ELAVL4: variants seen among roughly 807,000 people sequenced by gnomAD.
ELAVL4 encodes the protein ELAV-like protein 4.
In ELAVL4, 1 loss-of-function variant was observed where a neutral mutation model predicts 35.6. The ratio of observed to expected loss-of-function variants is 0.03; its 90% CI spans 0.01 to 0.13. The LOEUF (loss-of-function observed/expected upper bound fraction) is 0.13. Among genes scored for constraint, ELAVL4 ranks in the 10% least tolerant of loss-of-function variants. ELAVL4 has a pLI of 1.00. For synonymous variants in ELAVL4, 156 were observed against 171.0 expected (o/e 0.91, Z 0.69); for missense variants, 267 against 464.9 (o/e 0.57, Z 3.91).
At chr1:50,102,550 G>A (rs550439449), upstream of ELAVL4, among the ~76,000 whole-genome samples, 227 of 151,604 alleles carry the variant, frequency 1.5e-3, 1 homozygote, top group African/African-American at 5.2e-3. Flanking sequence ...TTATAAATGA[G>A]TCCAGAATTT....
intron 2 of ELAVL4, 114 bp from the exon 3 acceptor site, chr1:50,176,975 C>A: frequency 1.3e-6 from 1 of 772,186 alleles, no homozygotes; most frequent in Non-Finnish European, 2.1e-6. Context: ...AGTTTTGACT[C>A]ACTGCAGTGG....
rs1009864759 is a variant in ELAVL4, at chr1:50,194,048, G to A, written c.508+130G>A. On this transcript the variant is annotated intron_variant, in intron 4 of 6. Transcript: ENST00000371824. ...CATGAATAGACAGATTTTTGACTTGGAAGAAAGACTTCTTATCGGTCAACT... is the reference window on the plus strand; with the variant it reads ...CATGAATAGACAGATTTTTGACTTGAAAGAAAGACTTCTTATCGGTCAACT... The A allele has an allele frequency of 1.1e-5, 13 of 1,212,578 alleles. No individual in the cohort carries two copies. In the African/African-American group the frequency reaches 1.9e-4, roughly 18 times the overall value. The allele number at this position is 1,212,578 out of a possible 1,614,324, so 75.1% of individuals were successfully genotyped here. A position where few individuals can be genotyped will look rare whatever the true frequency, so the allele number is the denominator to read the frequency against.
At chr1:50,166,421 T>A (rs1248887345) in intron 2 of ELAVL4, among the ~76,000 whole-genome samples, 1 of 152,198 alleles carries the variant, frequency 6.6e-6, no homozygotes, top group African/African-American at 2.4e-5. Context: ...TGTCACATGA[T>A]AAAGGAAAAG....
At chr1:50,090,012 G>A (rs1665420088) in intron 1 of ELAVL4, among the ~76,000 whole-genome samples, 1 of 152,112 alleles carries the variant, frequency 6.6e-6, no homozygotes, top group South Asian at 2.1e-4. Flanking sequence ...AACATGTAAA[G>A]TATAGGAATT....
At chr1:50,085,613 T>A (rs1037868692) in intron 1 of ELAVL4, among the ~76,000 whole-genome samples, 6 of 152,266 alleles carry the variant, frequency 3.9e-5, no homozygotes, top group African/African-American at 1.4e-4. Flanking sequence ...AGGAAGGACC[T>A]ATTCAGAGCA....
intron 2 of ELAVL4, among the ~76,000 whole-genome samples, chr1:50,161,279 T>G (rs961432381): frequency 1.3e-5 from 2 of 152,200 alleles, no homozygotes; most frequent in African/African-American, 2.4e-5. Flanking sequence ...TAAAAACATT[T>G]TTAAACGTGT....
rs144480032 is a variant in ELAVL4 at position 50,136,064 on chromosome 1, G to A, written c.10-8893G>A. ...AAAATATTAACCTGAAGGGACTTGA[G>A]CGAATTAAAGCCTCTTGAAAAGAAG... On this transcript the variant is annotated intron_variant, in intron 1 of 6. Transcript: ENST00000371824. 6.2e-3 allele frequency among the ~76,000 whole-genome samples: 946 copies of A among 152,246 alleles called. 11 individuals carry two copies. The highest frequency in any genetic ancestry group is 9.4e-3 in the Admixed American group (144 of 15,280).
intron 5 of ELAVL4, 103 bp from the exon 6 acceptor site, chr1:50,197,326 T>G: frequency 2.2e-5 from 27 of 1,252,498 alleles, no homozygotes; most frequent in African/African-American, 3.1e-5. Context: ...GGAAAGTTGT[T>G]GAGCTTTTCT....
chr1:50,131,293 A>AATTTAAAAGTTTTATTTTTGAT (rs1410844449), intron 1 of ELAVL4, among the ~76,000 whole-genome samples: 8 of 152,228 alleles, frequency 5.3e-5, no homozygotes, highest in African/African-American at 1.9e-4. Flanking sequence ...TCTTTTTTAT[A>AATTTAAAAGTTTTATTTTTGAT]ATTTAAAAGT....
intron 1 of ELAVL4, among the ~76,000 whole-genome samples, chr1:50,090,601 C>T (rs1319207975): frequency 6.6e-6 from 1 of 152,178 alleles, no homozygotes; most frequent in African/African-American, 2.4e-5. Context: ...GGATGCTATA[C>T]TCCACTCAGT....
chr1:50,190,811 G>C (rs1201278142), intron 3 of ELAVL4, among the ~76,000 whole-genome samples: 1 of 152,222 alleles, frequency 6.6e-6, no homozygotes, highest in Non-Finnish European at 1.5e-5. Context: ...TTAAGGTCAT[G>C]ACTATCCATT....
At chr1:50,072,652 T>A (rs1664584439) in intron 1 of ELAVL4, among the ~76,000 whole-genome samples, 1 of 152,200 alleles carries the variant, frequency 6.6e-6, no homozygotes, top group South Asian at 2.1e-4. Context: ...GTCCTTCACA[T>A]CTGTGGTCCT....
intron 1 of ELAVL4, among the ~76,000 whole-genome samples, chr1:50,118,078 G>C (rs1668258668): frequency 6.6e-6 from 1 of 152,076 alleles, no homozygotes; most frequent in South Asian, 2.1e-4. Context: ...TGTTAGGAAA[G>C]TTAAAAGTCA....
At chr1:50,106,240 C>G, upstream of ELAVL4, 5 of 1,452,906 alleles carry the variant, frequency 3.4e-6, no homozygotes, top group Middle Eastern at 1.7e-4. Context: ...TACAGTCCAT[C>G]TGGACTCTGT....
intron 1 of ELAVL4, among the ~76,000 whole-genome samples, chr1:50,119,042 A>AAG (rs1435485278): frequency 2.5e-5 from 2 of 81,470 alleles, no homozygotes; most frequent in Admixed American, 1.1e-4. Context: ...AAGAAAAAGA[A>AAG]AGAAAGAAAG....
At chr1:50,146,201 ACAT>A (rs1381049822) in intron 2 of ELAVL4, among the ~76,000 whole-genome samples, 3 of 151,920 alleles carry the variant, frequency 2.0e-5, no homozygotes, top group African/African-American at 7.3e-5. Context: ...ATAGGGATAT[ACAT>A]CATCTTTATT....
At chr1:50,136,731 G>A (rs957021917) in intron 1 of ELAVL4, among the ~76,000 whole-genome samples, 3 of 152,114 alleles carry the variant, frequency 2.0e-5, no homozygotes, top group African/African-American at 7.2e-5. Context: ...GAGGATAAGG[G>A]TATTTGTAAA....
chr1:50,168,305 C>T (rs893200434), intron 2 of ELAVL4, among the ~76,000 whole-genome samples: 2 of 152,174 alleles, frequency 1.3e-5, no homozygotes, highest in African/African-American at 4.8e-5. Flanking sequence ...GATCCTCCCA[C>T]ACATCCCCAT....
chr1:50,169,656 A>G (rs1022945018), intron 2 of ELAVL4, among the ~76,000 whole-genome samples: 8 of 152,276 alleles, frequency 5.3e-5, no homozygotes, highest in African/African-American at 1.9e-4. Context: ...TATCTGTGGG[A>G]TAAATGTAGT....
Sources: gnomAD v4.1 joint callset for allele counts (sites outside exome capture counted in the v4.1 genomes callset) on GRCh38, gnomAD v4.1.1 for gene constraint, MANE v1.5 for transcripts, NCBI Gene and HGNC (gene_info 2026-07-23, HGNC 2026-07-21) for gene names.